PDE7A: variants seen among roughly 807,000 people sequenced by gnomAD.
PDE7A encodes the protein phosphodiesterase 7A.
Under a neutral mutation model 64.3 loss-of-function variants are expected in PDE7A, and 39 were observed. That is an observed-to-expected ratio of 0.61 (90% CI 0.47 to 0.79). The LOEUF (loss-of-function observed/expected upper bound fraction) is 0.79. Among genes scored for constraint, PDE7A ranks in the 30% least tolerant of loss-of-function variants. PDE7A has a pLI of 0.00. For synonymous variants in PDE7A, 203 were observed against 206.8 expected (o/e 0.98, Z 0.16); for missense variants, 470 against 582.8 (o/e 0.81, Z 1.99).
intron 1 of PDE7A, among the ~76,000 whole-genome samples, chr8:65,822,941 T>TTATCTATCTATC (rs149238076): frequency 2.8e-4 from 41 of 148,928 alleles, no homozygotes; most frequent in African/African-American, 8.8e-4. Flanking sequence ...TCTATTAACT[T>TTATCTATCTATC]TATCTATCTA....
intron 1 of PDE7A, among the ~76,000 whole-genome samples, chr8:65,834,835 A>G (rs1810915887): frequency 6.6e-6 from 1 of 152,210 alleles, no homozygotes; most frequent in South Asian, 2.1e-4. Flanking sequence ...AATCATTGGC[A>G]CAGTCCCTTC....
chr8:65,812,874 G>C (rs1810289581), intron 1 of PDE7A, among the ~76,000 whole-genome samples: 1 of 152,088 alleles, frequency 6.6e-6, no homozygotes, highest in Non-Finnish European at 1.5e-5. Context: ...TGCCAGTAAG[G>C]GTATGGAGAT....
In PDE7A at chr8:65,763,654, C is replaced by G. The variant is rs116482364; in HGVS notation, c.284-15851G>C. Among the ~76,000 whole-genome samples the G allele has an allele frequency of 6.6e-3, 1,005 of 152,278 alleles. 12 individuals are homozygous for G. Among genetic ancestry groups the G allele is most frequent in the African/African-American group, 0.023 (965 of 41,562 alleles). ...GGGATGTGGGATATGCTGGATCCCT[C>G]TTATGCTGAAACTCAGACGCTGAAC... On this transcript the variant is annotated intron_variant, in intron 3 of 12. Coordinates refer to ENST00000401827, the MANE Select transcript of PDE7A (RefSeq NM_001242318.3).
intron 1 of PDE7A, among the ~76,000 whole-genome samples, chr8:65,810,360 T>TA (rs1563516148): frequency 1.6e-5 from 2 of 124,226 alleles, no homozygotes; most frequent in Non-Finnish European, 3.3e-5. Flanking sequence ...GGTGGGGGGA[T>TA]GGGGGAGGGA....
At chr8:65,738,837 T>C (rs1807267432) in intron 6 of PDE7A, among the ~76,000 whole-genome samples, 1 of 152,222 alleles carries the variant, frequency 6.6e-6, no homozygotes, top group Admixed American at 6.5e-5. Flanking sequence ...CCTTCAAAAA[T>C]TTAGAAAAGT....
intron 1 of PDE7A, among the ~76,000 whole-genome samples, chr8:65,812,720 ACG>A (rs1810285619): frequency 6.6e-6 from 1 of 152,242 alleles, no homozygotes; most frequent in Admixed American, 6.5e-5. Context: ...ATGGCCAGAT[ACG>A]TATTTTTGAA....
At chr8:65,772,788 G>C (rs528088266) in intron 3 of PDE7A, among the ~76,000 whole-genome samples, 1 of 152,156 alleles carries the variant, frequency 6.6e-6, no homozygotes, top group Non-Finnish European at 1.5e-5. Flanking sequence ...CAGATCACTT[G>C]AGGTCAGGAG....
intron 9 of PDE7A, among the ~76,000 whole-genome samples, chr8:65,726,146 T>G (rs1266796728): frequency 1.3e-5 from 2 of 152,208 alleles, no homozygotes; most frequent in Non-Finnish European, 2.9e-5. Flanking sequence ...CCACTTTTCT[T>G]GAAGTGGATG....
intron 1 of PDE7A, among the ~76,000 whole-genome samples, chr8:65,794,885 T>C (rs972173971): frequency 1.3e-5 from 2 of 152,156 alleles, no homozygotes; most frequent in African/African-American, 4.8e-5. Flanking sequence ...AGTATGACAA[T>C]TAACCCAGGA....
intron 1 of PDE7A, among the ~76,000 whole-genome samples, chr8:65,800,310 T>A (rs1430521273): frequency 6.6e-6 from 1 of 152,198 alleles, no homozygotes; most frequent in Non-Finnish European, 1.5e-5. Context: ...CTACTGACCC[T>A]AAATTTTTAA....
At chr8:65,814,236 G>T (rs1810326774) in intron 1 of PDE7A, among the ~76,000 whole-genome samples, 1 of 152,102 alleles carries the variant, frequency 6.6e-6, no homozygotes, top group African/African-American at 2.4e-5. Context: ...TTTCGGCCGG[G>T]CGCGGTGGCT....
intron 1 of PDE7A, among the ~76,000 whole-genome samples, chr8:65,824,820 G>A (rs1810630039): frequency 6.6e-6 from 1 of 152,168 alleles, no homozygotes; most frequent in African/African-American, 2.4e-5. Flanking sequence ...ACTTTTATAT[G>A]CATGGGGAAA....
At chr8:65,723,414 T>C in intron 12 of PDE7A, 127 bp downstream of exon 12, 1 of 947,008 alleles carries the variant, frequency 1.1e-6, no homozygotes, top group Non-Finnish European at 1.4e-6. Flanking sequence ...AAGGGTAAAA[T>C]TTCTTAAATT....
intron 3 of PDE7A, among the ~76,000 whole-genome samples, chr8:65,754,036 C>T (rs540446085): frequency 6.6e-5 from 10 of 152,116 alleles, no homozygotes; most frequent in South Asian, 2.1e-4. Flanking sequence ...TTAACTCACA[C>T]GATCACAAGG....
chr8:65,753,311 GAAATCCCTCT>G (rs925875231), intron 3 of PDE7A, among the ~76,000 whole-genome samples: 10 of 152,192 alleles, frequency 6.6e-5, no homozygotes, highest in Non-Finnish European at 8.8e-5. Context: ...GAGAGCAGAG[GAAATCCCTCT>G]GAGCTCTACT....
chr8:65,790,231 C>T (rs1186489405), intron 1 of PDE7A, among the ~76,000 whole-genome samples: 1 of 152,210 alleles, frequency 6.6e-6, no homozygotes, highest in Non-Finnish European at 1.5e-5. Context: ...CCCTGGGGAG[C>T]AGAGGCCAGG....
At chr8:65,775,454 A>T (rs1249108129) in intron 3 of PDE7A, among the ~76,000 whole-genome samples, 1 of 152,244 alleles carries the variant, frequency 6.6e-6, no homozygotes, top group Non-Finnish European at 1.5e-5. Context: ...TGAATTTCAT[A>T]GATTTTCCCA....
At chr8:65,733,871 A>C (rs1807012295) in intron 7 of PDE7A, among the ~76,000 whole-genome samples, 1 of 152,150 alleles carries the variant, frequency 6.6e-6, no homozygotes, top group South Asian at 2.1e-4. Flanking sequence ...TTCCCGCCTA[A>C]CACCTTAGCC....
chr8:65,833,331 TGGC>T (rs1163803677), intron 1 of PDE7A, among the ~76,000 whole-genome samples: 1 of 152,166 alleles, frequency 6.6e-6, no homozygotes, highest in Admixed American at 6.5e-5. Flanking sequence ...TCCTAGAACA[TGGC>T]ATTTAGAACA....
Sources: allele counts gnomAD v4.1 joint callset (sites outside exome capture counted in the v4.1 genomes callset), GRCh38; gene constraint gnomAD v4.1.1; transcripts MANE v1.5; gene names NCBI Gene and HGNC (gene_info 2026-07-23, HGNC 2026-07-21).